The following SUCLG2 variants were observed in gnomAD, a reference collection of about 807,000 sequenced individuals.
SUCLG2 encodes the protein succinate--CoA ligase [GDP-forming] subunit beta, mitochondrial.
In SUCLG2, 42 loss-of-function variants were observed where a neutral mutation model predicts 47.9. The ratio of observed to expected loss-of-function variants is 0.88; its 90% CI spans 0.69 to 1.14. SUCLG2 has a LOEUF of 1.14. Among genes scored for constraint, SUCLG2 ranks in the 50% most tolerant of loss-of-function variants. SUCLG2 has a pLI of 0.00. For missense variants in SUCLG2, 571 were observed against 525.9 expected (o/e 1.09, Z -0.84); for synonymous variants, 195 against 197.3 (o/e 0.99, Z 0.10).
At chr3:67,649,114 T>C (rs1701241934) in intron 1 of SUCLG2, among the ~76,000 whole-genome samples, 1 of 152,168 alleles carries the variant, frequency 6.6e-6, no homozygotes, top group Non-Finnish European at 1.5e-5. Flanking sequence ...AGAATCAACG[T>C]TGAATCAGAA....
At chr3:67,543,397 T>C (rs1233241497) in intron 2 of SUCLG2, among the ~76,000 whole-genome samples, 1 of 152,178 alleles carries the variant, frequency 6.6e-6, no homozygotes, top group African/African-American at 2.4e-5. Flanking sequence ...TAAGCCACTT[T>C]GTGAGGCCGA....
At chr3:67,654,413 C>T (rs1219813817) in intron 1 of SUCLG2, 90 bp downstream of exon 1, 6 of 1,077,496 alleles carry the variant, frequency 5.6e-6, no homozygotes, top group Admixed American at 4.3e-5. Flanking sequence ...CGCAGGGGGT[C>T]AGGCGGAGAC....
intron 2 of SUCLG2, among the ~76,000 whole-genome samples, chr3:67,571,359 T>A (rs948926369): frequency 6.6e-6 from 1 of 152,162 alleles, no homozygotes; most frequent in African/African-American, 2.4e-5. Context: ...GTCTACATCA[T>A]CAGGTTTAAG....
intron 2 of SUCLG2, among the ~76,000 whole-genome samples, chr3:67,595,469 G>A (rs1708272009): frequency 6.6e-6 from 1 of 152,166 alleles, no homozygotes; most frequent in Non-Finnish European, 1.5e-5. Context: ...GTGGGAGTCT[G>A]CCCAGTATAG....
intron 2 of SUCLG2, among the ~76,000 whole-genome samples, chr3:67,578,721 G>A (rs188546882): frequency 6.6e-6 from 1 of 152,316 alleles, no homozygotes; most frequent in African/African-American, 2.4e-5. Flanking sequence ...AGGAAGAAGG[G>A]TGGAGATGAG....
chr3:67,461,900 G>C (rs1329164082), intron 9 of SUCLG2, among the ~76,000 whole-genome samples: 1 of 152,064 alleles, frequency 6.6e-6, no homozygotes, highest in African/African-American at 2.4e-5. Flanking sequence ...CATTCTGGGA[G>C]AAGGGTCTCT....
At chr3:67,510,596 TCTTTA>T (rs1430102235) in intron 6 of SUCLG2, among the ~76,000 whole-genome samples, 1 of 152,140 alleles carries the variant, frequency 6.6e-6, no homozygotes, top group Non-Finnish European at 1.5e-5. Flanking sequence ...TTCCAATACC[TCTTTA>T]CTTAACAGAA....
intron 4 of SUCLG2, among the ~76,000 whole-genome samples, chr3:67,525,760 C>T (rs1303874210): frequency 6.6e-6 from 1 of 152,016 alleles, no homozygotes; most frequent in Admixed American, 6.6e-5. Context: ...AAGGTATAAT[C>T]CATAAAGGAA....
chr3:67,470,954 C>T (rs982217302), intron 9 of SUCLG2, among the ~76,000 whole-genome samples: 1 of 152,100 alleles, frequency 6.6e-6, no homozygotes, highest in African/African-American at 2.4e-5. Flanking sequence ...CCTGAAATAC[C>T]CCGTTCTTCT....
At chr3:67,473,100 T>A (rs1387214455) in intron 9 of SUCLG2, among the ~76,000 whole-genome samples, 2 of 152,170 alleles carry the variant, frequency 1.3e-5, no homozygotes, top group African/African-American at 4.8e-5. Flanking sequence ...TATACAGAAA[T>A]GAAAAGAAAA....
chr3:67,411,097 A>G (rs1292606725), intron 9 of SUCLG2, among the ~76,000 whole-genome samples: 1 of 152,202 alleles, frequency 6.6e-6, no homozygotes, highest in African/African-American at 2.4e-5. Flanking sequence ...TTATTAATCT[A>G]TAAACAGGAT....
chr3:67,600,770 TTTGAG>T, intron 2 of SUCLG2, among the ~76,000 whole-genome samples: 1 of 152,208 alleles, frequency 6.6e-6, no homozygotes, highest in East Asian at 1.9e-4. Flanking sequence ...TTTTTTGCCT[TTTGAG>T]TGGCTGGAAT....
intron 1 of SUCLG2, among the ~76,000 whole-genome samples, chr3:67,640,472 C>A (rs543994150): frequency 6.6e-6 from 1 of 152,304 alleles, no homozygotes; most frequent in African/African-American, 2.4e-5. Flanking sequence ...GCATCTAGAA[C>A]AGAGATGTGA....
intron 2 of SUCLG2, among the ~76,000 whole-genome samples, chr3:67,576,510 T>C (rs1382541520): frequency 6.6e-6 from 1 of 152,168 alleles, no homozygotes; most frequent in Non-Finnish European, 1.5e-5. Context: ...CCTCTTTAAA[T>C]AGAAAATAGA....
At chr3:67,373,721 T>C (rs892130379), downstream of SUCLG2, among the ~76,000 whole-genome samples, 3 of 152,096 alleles carry the variant, frequency 2.0e-5, no homozygotes, top group African/African-American at 7.2e-5. Flanking sequence ...TTCCTCCCTC[T>C]TTCTTTCGTT....
intron 1 of SUCLG2, among the ~76,000 whole-genome samples, chr3:67,642,658 A>G (rs147982640): frequency 6.6e-6 from 1 of 152,200 alleles, no homozygotes. Flanking sequence ...AGCAATGGCT[A>G]TAATAATGCC....
intron 6 of SUCLG2, chr3:67,514,234 T>C (rs1705879657): frequency 5.2e-6 from 2 of 387,690 alleles, no homozygotes; most frequent in Non-Finnish European, 1.0e-5. Flanking sequence ...CCTGTTCTTC[T>C]GGTATGATGT....
In SUCLG2 at chr3:67,388,474, C is replaced by A. The variant is rs571143095; in HGVS notation, c.1183+12257G>T. Among the ~76,000 whole-genome samples the A allele has an allele frequency of 1.2e-3, 182 of 152,160 alleles. 1 individual carries two copies. The highest frequency in any genetic ancestry group is 1.8e-3 in the Non-Finnish European group (122 of 68,032). On this transcript the variant is annotated intron_variant, in intron 10 of 10. Transcript: ENST00000307227. ...TCACTAATATTCATATGTGTGATTTCTGTGAATGGAGCAGACCCATAGCAA... is the reference window on the plus strand; with the variant it reads ...TCACTAATATTCATATGTGTGATTTATGTGAATGGAGCAGACCCATAGCAA...
At chr3:67,456,991 G>A (rs1282928638) in intron 9 of SUCLG2, among the ~76,000 whole-genome samples, 1 of 152,046 alleles carries the variant, frequency 6.6e-6, no homozygotes. Context: ...CATAATTTTT[G>A]TAATTAGACA....
Sources: gnomAD v4.1 joint callset for allele counts (sites outside exome capture counted in the v4.1 genomes callset) on GRCh38, gnomAD v4.1.1 for gene constraint, MANE v1.5 for transcripts, NCBI Gene and HGNC (gene_info 2026-07-23, HGNC 2026-07-21) for gene names.